The following THADA variants were observed in gnomAD, a reference collection of about 807,000 sequenced individuals.
The protein encoded by THADA is tRNA (32-2'-O)-methyltransferase regulator THADA.
Under a neutral mutation model 219.8 loss-of-function variants are expected in THADA, and 213 were observed. The ratio of observed to expected loss-of-function variants is 0.97; its 90% CI spans 0.87 to 1.09. The LOEUF (loss-of-function observed/expected upper bound fraction) is 1.09, where lower values mean the gene tolerates loss of function less well. THADA is among the 50% of genes least tolerant of loss of function. The probability of loss-of-function intolerance (pLI) is 0.00; values close to 1 mark genes in which losing one functional copy is unlikely to be tolerated. For missense variants in THADA, 2,956 were observed against 2,311.3 expected, an observed-to-expected ratio of 1.28 and a Z score of -5.72; for synonymous variants, 1,018 against 828.9, an observed-to-expected ratio of 1.23 and a Z score of -3.92.
At chr2:43,586,241 G>C (rs1011149792) in intron 7 of THADA, among the ~76,000 whole-genome samples, 160 bp downstream of exon 7, 1 of 152,008 alleles carries the variant, frequency 6.6e-6, no homozygotes, top group African/African-American at 2.4e-5. Flanking sequence ...CTACAGCCTG[G>C]GTGACACAGC....
intron 17 of THADA, among the ~76,000 whole-genome samples, chr2:43,552,781 A>ACATTTT (rs1696896215): frequency 6.6e-6 from 1 of 152,018 alleles, no homozygotes; most frequent in African/African-American, 2.4e-5. Context: ...TAATTTTAGA[A>ACATTTT]CATTTTCACT....
chr2:43,535,379 T>A (rs1195978258), intron 21 of THADA, among the ~76,000 whole-genome samples: 1 of 151,602 alleles, frequency 6.6e-6, no homozygotes, highest in Non-Finnish European at 1.5e-5. Flanking sequence ...TGAGGTCTTA[T>A]TTATAAAAAT....
chr2:43,397,979 G>C lies in THADA; in HGVS notation c.4219C>G (p.Leu1407Val). ...CFRQNHIHGT[L>V]LQVFHLLQAY... ...AAAGCAACTTTACTTACCTGGAGAA[G>C]TGTCCCATGAATGTGGTTTTGCCGG... The change falls in exon 29 of 38, where the codon CTT becomes GTT. Residue 1407 changes from leucine (L) to valine (V), a missense_variant. Coordinates refer to ENST00000405975, the MANE Select transcript of THADA (RefSeq NM_022065.5). The C allele has an allele frequency of 3.7e-6, 6 of 1,613,844 alleles. No homozygotes were observed. Among genetic ancestry groups the C allele is most frequent in the East Asian group, 2.2e-5 (1 of 44,890 alleles).
intron 29 of THADA, among the ~76,000 whole-genome samples, chr2:43,350,409 A>T (rs552070472): frequency 6.6e-5 from 10 of 152,224 alleles, no homozygotes; most frequent in African/African-American, 2.4e-4. Context: ...GGCAAGAGAG[A>T]GAAAGGTCTC....
chr2:43,562,753 A>G (rs1698220204), intron 15 of THADA: 1 of 152,096 alleles, frequency 6.6e-6, no homozygotes, highest in African/African-American at 2.4e-5. Flanking sequence ...TACTGATTCA[A>G]TCTCTTATAG....
chr2:43,411,411 T>G (rs892640207), intron 28 of THADA, among the ~76,000 whole-genome samples: 50 of 152,336 alleles, frequency 3.3e-4, no homozygotes, highest in African/African-American at 1.2e-3. Context: ...TCAAATTTGT[T>G]GGGCCAGCTT....
chr2:43,337,188 C>G (rs1666554790), intron 30 of THADA, among the ~76,000 whole-genome samples: 1 of 152,346 alleles, frequency 6.6e-6, no homozygotes, highest in Non-Finnish European at 1.5e-5. Context: ...AGCAGCACCC[C>G]AGGGAGGGTC....
chr2:43,542,412 T>C (rs1695444598), intron 20 of THADA, among the ~76,000 whole-genome samples: 1 of 152,162 alleles, frequency 6.6e-6, no homozygotes, highest in Non-Finnish European at 1.5e-5. Context: ...ATACATTATT[T>C]TGTGTAATTT....
At chr2:43,514,899 G>GTATAATAA (rs1379379499) in intron 22 of THADA, among the ~76,000 whole-genome samples, 81 of 70,422 alleles carry the variant, frequency 1.2e-3, no homozygotes, top group African/African-American at 4.6e-3. Context: ...TATATTTTAT[G>GTATAATAA]TATAATATAT....
At chr2:43,543,080 T>G (rs1378181207) in intron 20 of THADA, among the ~76,000 whole-genome samples, 1 of 142,660 alleles carries the variant, frequency 7.0e-6, no homozygotes, top group Non-Finnish European at 1.5e-5. Flanking sequence ...TGTGCCCATG[T>G]GTTCTCATTG....
intron 25 of THADA, among the ~76,000 whole-genome samples, chr2:43,493,790 A>G (rs571101854): frequency 9.2e-5 from 14 of 152,302 alleles, no homozygotes; most frequent in African/African-American, 3.4e-4. Context: ...AATATAAATA[A>G]TATGTTAAAG....
chr2:43,363,663 G>C (rs891637367), intron 29 of THADA, among the ~76,000 whole-genome samples: 2 of 152,214 alleles, frequency 1.3e-5, no homozygotes, highest in South Asian at 2.1e-4. Flanking sequence ...TTAGCATTAT[G>C]AGGAAGTGAG....
At chr2:43,531,860 T>C (rs1339460793) in intron 21 of THADA, among the ~76,000 whole-genome samples, 1 of 152,120 alleles carries the variant, frequency 6.6e-6, no homozygotes, top group Non-Finnish European at 1.5e-5. Flanking sequence ...TTTCGACTCA[T>C]AATTTTTTTA....
At chr2:43,348,659 T>C (rs1473982457) in intron 29 of THADA, among the ~76,000 whole-genome samples, 3 of 152,184 alleles carry the variant, frequency 2.0e-5, no homozygotes, top group East Asian at 3.9e-4. Context: ...GCTTGGCAAC[T>C]GCTTTAGACA....
At chr2:43,480,571 G>T (rs1686074212) in intron 26 of THADA, among the ~76,000 whole-genome samples, 1 of 152,074 alleles carries the variant, frequency 6.6e-6, no homozygotes, top group Non-Finnish European at 1.5e-5. Flanking sequence ...CAGCACTTTG[G>T]GAGGCTGAGG....
chr2:43,527,346 T>A (rs981504705), intron 22 of THADA, among the ~76,000 whole-genome samples: 31 of 152,240 alleles, frequency 2.0e-4, no homozygotes, highest in African/African-American at 7.5e-4. Context: ...TATCTGTAAC[T>A]ATAATGTCAA....
chr2:43,515,114 TATATA>T (rs1413350245), intron 22 of THADA, among the ~76,000 whole-genome samples: 4 of 18,668 alleles, frequency 2.1e-4, no homozygotes, highest in Non-Finnish European at 2.8e-4. Flanking sequence ...ATATATTTTA[TATATA>T]ATATATTTTA....
chr2:43,534,439 C>G (rs1694291175), intron 21 of THADA, among the ~76,000 whole-genome samples: 1 of 152,096 alleles, frequency 6.6e-6, no homozygotes, highest in South Asian at 2.1e-4. Context: ...TCCTATGTAG[C>G]TGTAATTTGG....
At chr2:43,351,791 T>C (rs952882832) in intron 29 of THADA, among the ~76,000 whole-genome samples, 1 of 152,162 alleles carries the variant, frequency 6.6e-6, no homozygotes, top group Non-Finnish European at 1.5e-5. Flanking sequence ...ACCAAGGTGT[T>C]GGGGGAAATA....
Sources: allele counts gnomAD v4.1 joint callset (sites outside exome capture counted in the v4.1 genomes callset), GRCh38; gene constraint gnomAD v4.1.1; transcripts MANE v1.5; gene names NCBI Gene and HGNC (gene_info 2026-07-23, HGNC 2026-07-21).